Variants in DOCK3 observed in about 807,000 individuals in gnomAD.
DOCK3 encodes dedicator of cytokinesis 3, also known as dedicator of cytokinesis protein 3.
DOCK3 carries 60 observed loss-of-function variants against 265.6 expected under a neutral mutation model. The observed-to-expected ratio is 0.23, with a 90% CI of 0.18 to 0.28. DOCK3 has a LOEUF of 0.28. Among genes scored for constraint, DOCK3 ranks in the 10% least tolerant of loss-of-function variants. The pLI, the probability that DOCK3 is intolerant of heterozygous loss-of-function variation, is 1.00. For synonymous variants in DOCK3, 881 were observed against 938.0 expected (o/e 0.94, Z 1.11); for missense variants, 1,981 against 2,594.3 (o/e 0.76, Z 5.14).
intron 2 of DOCK3, among the ~76,000 whole-genome samples, chr3:50,781,928 C>T (rs1456794751): frequency 6.6e-6 from 1 of 152,182 alleles, no homozygotes; most frequent in Non-Finnish European, 1.5e-5. Flanking sequence ...TAGCCTCCAG[C>T]TCCATCTATG....
At chr3:51,310,735 T>A (rs1007318924) in intron 28 of DOCK3, among the ~76,000 whole-genome samples, 92 of 152,332 alleles carry the variant, frequency 6.0e-4, no homozygotes, top group African/African-American at 2.1e-3. Flanking sequence ...CACTTCTGAT[T>A]ACTGACATAG....
At chr3:51,217,619 T>G (rs1272804969) in intron 14 of DOCK3, among the ~76,000 whole-genome samples, 1 of 152,240 alleles carries the variant, frequency 6.6e-6, no homozygotes, top group Non-Finnish European at 1.5e-5. Flanking sequence ...GTACAAAAGC[T>G]AATAATAACT....
Position 50,709,782 on chromosome 3 carries a change from C to T in DOCK3, c.37+34482C>T, listed in dbSNP as rs560377281. Among the ~76,000 whole-genome samples, 18 of 152,230 alleles carry T rather than the reference C, an allele frequency of 1.2e-4. No individual in the cohort carries two copies. The East Asian group carries it at 1.7e-3, about 15-fold the overall frequency. ...TGGAGGTTTCAGTGAGCTGAGATCACGCCATTGCACTCCAGTCTGGGTGAC... is the reference window on the plus strand; with the variant it reads ...TGGAGGTTTCAGTGAGCTGAGATCATGCCATTGCACTCCAGTCTGGGTGAC... On this transcript the variant is annotated intron_variant, in intron 1 of 52. Coordinates refer to ENST00000266037, the MANE Select transcript of DOCK3 (RefSeq NM_004947.5).
At chr3:51,149,924 C>T (rs1282215717) in intron 10 of DOCK3, among the ~76,000 whole-genome samples, 1 of 152,132 alleles carries the variant, frequency 6.6e-6, no homozygotes, top group Non-Finnish European at 1.5e-5. Context: ...GGTACCAGCT[C>T]CTCTTTGTAC....
chr3:50,993,119 C>A (rs2078168129), intron 5 of DOCK3, among the ~76,000 whole-genome samples: 1 of 152,164 alleles, frequency 6.6e-6, no homozygotes, highest in African/African-American at 2.4e-5. Flanking sequence ...TTCTAGTTCT[C>A]CTATCTCTGG....
Position 51,358,243 on chromosome 3 carries a change from G to GCTAT in DOCK3, c.4884+167_4884+170dup, listed in dbSNP as rs2086496168. Among the ~76,000 whole-genome samples the GCTAT allele has an allele frequency of 3.3e-5, 5 of 152,308 alleles. No individual in the cohort carries two copies. The South Asian group carries it at 1.0e-3, about 32-fold the overall frequency. ...AGAGGGACAGGGGGCAAGGATGGAT[G>GCTAT]CTATATCCAGGGGAAGGATGCTGAG... On this transcript the variant is annotated intron_variant, in intron 46 of 52. Transcript: ENST00000266037.
At chr3:50,904,981 G>C (rs778674262) in intron 4 of DOCK3, among the ~76,000 whole-genome samples, 134 of 152,140 alleles carry the variant, frequency 8.8e-4, no homozygotes, top group Non-Finnish European at 1.4e-3. Flanking sequence ...TCTACATATG[G>C]CTAGCCAGTT....
chr3:50,926,650 T>C (rs2050775573), intron 4 of DOCK3, among the ~76,000 whole-genome samples: 1 of 152,142 alleles, frequency 6.6e-6, no homozygotes, highest in South Asian at 2.1e-4. Flanking sequence ...TATAGCAAGA[T>C]GGTGAGAGTT....
At chr3:51,015,148 C>G (rs9713697) in intron 5 of DOCK3, among the ~76,000 whole-genome samples, 28 of 152,180 alleles carry the variant, frequency 1.8e-4, no homozygotes, top group African/African-American at 6.5e-4. Flanking sequence ...ATTGCTCCAG[C>G]TAGGACTTCC....
intron 5 of DOCK3, among the ~76,000 whole-genome samples, chr3:51,061,488 C>T (rs1402579509): frequency 1.3e-5 from 2 of 151,854 alleles, no homozygotes; most frequent in African/African-American, 4.8e-5. Context: ...CGCATGTTCT[C>T]ACTCATAGAT....
intron 9 of DOCK3, among the ~76,000 whole-genome samples, chr3:51,141,210 A>G (rs2085050977): frequency 6.6e-6 from 1 of 150,838 alleles, no homozygotes; most frequent in Non-Finnish European, 1.5e-5. Flanking sequence ...TTTTTTTAAT[A>G]ACAAGTGGTG....
intron 7 of DOCK3, among the ~76,000 whole-genome samples, chr3:51,088,845 G>A (rs1560044278): frequency 6.6e-6 from 1 of 152,128 alleles, no homozygotes; most frequent in East Asian, 1.9e-4. Flanking sequence ...TGTTTGGGAG[G>A]GAGCCCTTTA....
intron 5 of DOCK3, among the ~76,000 whole-genome samples, chr3:50,960,694 A>C (rs1017423377): frequency 6.6e-6 from 1 of 151,946 alleles, no homozygotes; most frequent in African/African-American, 2.4e-5. Context: ...TTTAATTTTG[A>C]TGAAGTCCTA....
intron 22 of DOCK3, among the ~76,000 whole-genome samples, chr3:51,258,007 A>G (rs1552073): frequency 0.91 from 138,805 of 152,194 alleles, 63,444 homozygotes; most frequent in African/African-American, 0.96. Flanking sequence ...GTCCTCATCC[A>G]GGTTTTCATG....
intron 5 of DOCK3, among the ~76,000 whole-genome samples, chr3:51,017,291 T>C (rs1414173971): frequency 1.3e-5 from 2 of 151,522 alleles, no homozygotes; most frequent in Admixed American, 6.6e-5. Context: ...TAAAGGCTTG[T>C]CAATTTTGTT....
At chr3:50,967,848 A>G (rs1302680851) in intron 5 of DOCK3, among the ~76,000 whole-genome samples, 1 of 152,180 alleles carries the variant, frequency 6.6e-6, no homozygotes, top group African/African-American at 2.4e-5. Context: ...GGGAACTACA[A>G]TTCAGGATGA....
At chr3:51,088,159 A>G (rs2082498940) in intron 7 of DOCK3, among the ~76,000 whole-genome samples, 1 of 152,210 alleles carries the variant, frequency 6.6e-6, no homozygotes, top group East Asian at 1.9e-4. Flanking sequence ...AGAAAGACAA[A>G]TATCTCATGT....
chr3:51,198,017 C>A (rs769286966), intron 12 of DOCK3, among the ~76,000 whole-genome samples: 18 of 152,220 alleles, frequency 1.2e-4, no homozygotes, highest in South Asian at 2.1e-4. Flanking sequence ...TTACTTGCTT[C>A]TTAGCTCTGG....
chr3:51,277,746 G>A lies in DOCK3; in HGVS notation c.2815G>A (p.Glu939Lys). ...GCAGCGGTGCCCGCAGTGCACAGCC[G>A]AGATCACTGTTAGTAACTAACATCC... ...RGQRCPQCTA[E>K]ITGEYVSCLL... is the part of the protein sequence containing the mutation. Residue 939 changes from glutamate (E) to lysine (K), a missense_variant, in exon 26 of 53, where the codon GAG becomes AAG. Glu to Lys is a moderately conservative substitution (Grantham distance 56). This residue lies in a region of DOCK3 where 1,357 missense variants were observed against 1,866.8 expected (regional missense o/e 0.73). Transcript: ENST00000266037. The A allele has an allele frequency of 3.1e-6, 5 of 1,611,074 alleles. No individual in the cohort carries two copies. Among genetic ancestry groups the A allele is most frequent in the Non-Finnish European group, 3.4e-6 (4 of 1,179,004 alleles).
Sources: gnomAD v4.1 joint callset for allele counts (sites outside exome capture counted in the v4.1 genomes callset) on GRCh38, gnomAD v4.1.1 for gene constraint, gnomAD v4.1.1 regional missense constraint, MANE v1.5 for transcripts, NCBI Gene and HGNC (gene_info 2026-07-23, HGNC 2026-07-21) for gene names.